The following MAST4 variants were observed in gnomAD, a reference collection of about 807,000 sequenced individuals.
MAST4 encodes the protein microtubule-associated serine/threonine-protein kinase 4.
In MAST4, 89 loss-of-function variants were observed where a neutral mutation model predicts 162.7. The ratio of observed to expected loss-of-function variants is 0.55; its 90% confidence interval spans 0.46 to 0.65. The LOEUF is 0.65. Among genes scored for constraint, MAST4 ranks in the 30% least tolerant of loss-of-function variants. The probability of loss-of-function intolerance (pLI) is 0.00; values close to 1 mark genes in which losing one functional copy is unlikely to be tolerated. For synonymous variants in MAST4, 1,479 were observed against 1,361.1 expected (o/e 1.09, Z -1.91); for missense variants, 3,153 against 3,374.0 (o/e 0.93, Z 1.62).
intron 12 of MAST4, among the ~76,000 whole-genome samples, chr5:67,118,186 C>A (rs1356049231): frequency 6.6e-6 from 1 of 152,220 alleles, no homozygotes; most frequent in African/African-American, 2.4e-5. Flanking sequence ...ACCATTATTA[C>A]TTCCTCTCTG....
intron 10 of MAST4, among the ~76,000 whole-genome samples, chr5:67,108,054 A>G (rs1349507875): frequency 2.0e-5 from 3 of 152,188 alleles, no homozygotes; most frequent in African/African-American, 4.8e-5. Context: ...TATTAGATAA[A>G]ATACTGTTTG....
chr5:66,920,074 G>T (rs1764431250), intron 4 of MAST4, among the ~76,000 whole-genome samples: 2 of 150,888 alleles, frequency 1.3e-5, no homozygotes, highest in Non-Finnish European at 2.9e-5. Context: ...ACTTCTGCTG[G>T]CTAGTAGTGA....
At chr5:66,603,533 A>G (rs1388684861) in intron 1 of MAST4, among the ~76,000 whole-genome samples, 2 of 152,212 alleles carry the variant, frequency 1.3e-5, no homozygotes, top group African/African-American at 4.8e-5. Flanking sequence ...CTTGGTTCAT[A>G]TAAGCATGAA....
chr5:67,034,038 C>T (rs969373657), intron 4 of MAST4, among the ~76,000 whole-genome samples: 1 of 152,138 alleles, frequency 6.6e-6, no homozygotes, highest in Admixed American at 6.6e-5. Context: ...GAGATTAGAG[C>T]ATAAACCAGT....
chr5:66,928,448 C>T (rs893377767), intron 4 of MAST4, among the ~76,000 whole-genome samples: 1 of 152,224 alleles, frequency 6.6e-6, no homozygotes, highest in African/African-American at 2.4e-5. Context: ...ACGAGTTGCT[C>T]TTTGCTGCTG....
intron 5 of MAST4, among the ~76,000 whole-genome samples, chr5:67,075,239 T>TGG (rs998542426): frequency 6.0e-5 from 9 of 151,028 alleles, no homozygotes; most frequent in African/African-American, 2.2e-4. Flanking sequence ...GGCATGATCG[T>TGG]GGCTCCCTGC....
At chr5:66,828,981 T>A in intron 3 of MAST4, 1 of 971,518 alleles carries the variant, frequency 1.0e-6, no homozygotes, top group Non-Finnish European at 1.6e-6. Flanking sequence ...CACGAATATG[T>A]GCATAATTCT....
chr5:66,904,156 GTGTT>G (rs1176940115), intron 4 of MAST4, among the ~76,000 whole-genome samples: 1 of 152,236 alleles, frequency 6.6e-6, no homozygotes, highest in East Asian at 1.9e-4. Context: ...TCACAGGGAA[GTGTT>G]TGTTTTCAGG....
chr5:67,117,326 C>G (rs1042700985), intron 12 of MAST4, among the ~76,000 whole-genome samples: 1 of 152,020 alleles, frequency 6.6e-6, no homozygotes, highest in Admixed American at 6.6e-5. Flanking sequence ...TGGAATTTCC[C>G]CTATAGGTAA....
intron 4 of MAST4, chr5:66,986,378 T>C: frequency 1.7e-6 from 2 of 1,145,142 alleles, no homozygotes; most frequent in Non-Finnish European, 2.5e-6. Flanking sequence ...ACTTGCTCTT[T>C]ATTTTAGAAA....
In MAST4 at chr5:67,162,717, G is replaced by T. The variant is rs1773336864; in HGVS notation, c.3896G>T (p.Gly1299Val). ...CTGTCATCGGGTGAGAGCCTCCCAG[G>T]TTCCCCCACTCATAGCTTGTCTCCC... is the stretch of plus-strand genomic sequence containing the variant. ...RSLSSGESLP[G>V]SPTHSLSPRS... is the part of the protein sequence containing the mutation. The change falls in exon 28 of 29, where the codon GGT (glycine) becomes GTT (valine). Residue 1299 changes from glycine (G) to valine (V), a missense_variant. By Grantham distance (109) the Gly-to-Val change is moderately radical. Around this residue, in one of 7 missense-constraint regions of MAST4, gnomAD observed 619 missense variants for 744.2 expected, o/e 0.83. Transcript: ENST00000403625. The T allele has an allele frequency of 1.2e-6, 2 of 1,613,646 alleles. No homozygotes were observed. The highest frequency in any genetic ancestry group is 1.7e-6 in the Non-Finnish European group (2 of 1,179,860).
intron 3 of MAST4, among the ~76,000 whole-genome samples, chr5:66,854,930 C>T (rs1252089526): frequency 6.6e-6 from 1 of 152,148 alleles, no homozygotes; most frequent in Non-Finnish European, 1.5e-5. Flanking sequence ...CCCATTGTCA[C>T]ATTTTATGAC....
chr5:66,901,180 G>GA (rs902609358), intron 4 of MAST4, among the ~76,000 whole-genome samples: 25 of 152,136 alleles, frequency 1.6e-4, no homozygotes, highest in Admixed American at 1.3e-4. Context: ...TACTTTTATA[G>GA]AAAAAAATCT....
chr5:66,833,882 A>G (rs2149765756), intron 3 of MAST4, among the ~76,000 whole-genome samples: 1 of 152,306 alleles, frequency 6.6e-6, no homozygotes, highest in South Asian at 2.1e-4. Flanking sequence ...ATATGTGTTC[A>G]GTGACATTGA....
intron 3 of MAST4, among the ~76,000 whole-genome samples, chr5:66,811,156 G>A (rs981432036): frequency 1.3e-5 from 2 of 152,140 alleles, no homozygotes; most frequent in Non-Finnish European, 2.9e-5. Context: ...CCTCACAGTT[G>A]GCCTCTGAGC....
intron 3 of MAST4, among the ~76,000 whole-genome samples, chr5:66,859,194 T>A (rs1759906879): frequency 6.6e-6 from 1 of 152,152 alleles, no homozygotes; most frequent in Non-Finnish European, 1.5e-5. Context: ...ATATAACGCT[T>A]CTTATTTTGT....
rs1436029627 is a variant in MAST4, at chr5:66,915,547, TTC to T, written c.674+15569_674+15570del. On this transcript the variant is annotated intron_variant, in intron 4 of 28. Coordinates refer to ENST00000403625, the MANE Select transcript of MAST4 (RefSeq NM_001164664.2). ...TGAACTAGTGTACTTAAGAAAATTA[TTC>T]TCTTTGGACATGGCATTGTCCATAG... Among the ~76,000 whole-genome samples the T allele has an allele frequency of 2.6e-5, 4 of 152,344 alleles. No homozygotes were observed. In the East Asian group the frequency reaches 7.7e-4, roughly 29 times the overall value.
At chr5:66,894,648 G>C (rs765742995) in intron 3 of MAST4, among the ~76,000 whole-genome samples, 5 of 152,206 alleles carry the variant, frequency 3.3e-5, no homozygotes, top group Non-Finnish European at 5.9e-5. Context: ...AAAGAAAGAT[G>C]ATGATGGGGA....
At chr5:66,740,169 G>T (rs1370940845) in intron 1 of MAST4, among the ~76,000 whole-genome samples, 1 of 152,146 alleles carries the variant, frequency 6.6e-6, no homozygotes, top group Non-Finnish European at 1.5e-5. Context: ...AAGTCGAAAG[G>T]CCATCTCATC....
Sources: gnomAD v4.1 joint callset for allele counts (sites outside exome capture counted in the v4.1 genomes callset) on GRCh38, gnomAD v4.1.1 for gene constraint, gnomAD v4.1.1 regional missense constraint, MANE v1.5 for transcripts, NCBI Gene and HGNC (gene_info 2026-07-23, HGNC 2026-07-21) for gene names.